Variants in PLD1 observed in about 807,000 individuals in gnomAD.
The protein encoded by PLD1 is phospholipase D1, also known as choline phosphatase 1.
In PLD1, 112 loss-of-function variants were observed where a neutral mutation model predicts 137.1. That is an observed-to-expected ratio of 0.82 (90% CI 0.70 to 0.96). The LOEUF (loss-of-function observed/expected upper bound fraction) is 0.96. Among genes scored for constraint, PLD1 ranks in the 40% least tolerant of loss-of-function variants. The pLI is 0.00. For synonymous variants in PLD1, 431 were observed against 454.7 expected (o/e 0.95, Z 0.66); for missense variants, 1,321 against 1,342.0 (o/e 0.98, Z 0.24).
chr3:171,731,311 G>A (rs6782049), intron 6 of PLD1, among the ~76,000 whole-genome samples: 54,907 of 152,072 alleles, frequency 0.36, 11,029 homozygotes, highest in African/African-American at 0.52. Context: ...AAGAAAACAT[G>A]TAAATTCCAA....
At chr3:171,699,853 G>A (rs780035343) in intron 11 of PLD1, 27 bp from the exon 12 acceptor site, 6 of 1,559,536 alleles carry the variant, frequency 3.8e-6, no homozygotes, top group Non-Finnish European at 4.4e-6. Context: ...AAGATTTTAA[G>A]TAACTAAAAC....
At chr3:171,715,409 G>GT (rs1717599424) in intron 8 of PLD1, among the ~76,000 whole-genome samples, 1 of 152,012 alleles carries the variant, frequency 6.6e-6, no homozygotes, top group South Asian at 2.1e-4. Context: ...GCTTTGGTTT[G>GT]TTTTTTGTTT....
At chr3:171,679,984 G>T (rs1334102538) in intron 16 of PLD1, among the ~76,000 whole-genome samples, 2 of 152,074 alleles carry the variant, frequency 1.3e-5, no homozygotes, top group Non-Finnish European at 2.9e-5. Context: ...GCACAGATTT[G>T]TCAGGCCAAT....
intron 24 of PLD1, among the ~76,000 whole-genome samples, chr3:171,616,290 T>C (rs944230155): frequency 2.0e-5 from 3 of 152,228 alleles, no homozygotes; most frequent in Non-Finnish European, 4.4e-5. Context: ...AAGAAATTTC[T>C]GAATTTTAAT....
chr3:171,639,186 T>C (rs1735420738), intron 23 of PLD1, among the ~76,000 whole-genome samples: 1 of 145,558 alleles, frequency 6.9e-6, no homozygotes, highest in Non-Finnish European at 1.5e-5. Context: ...ATATATAATA[T>C]ACAATTTTAT....
chr3:171,748,970 A>T (rs1375106745), intron 1 of PLD1, among the ~76,000 whole-genome samples: 6 of 151,684 alleles, frequency 4.0e-5, no homozygotes, highest in African/African-American at 1.5e-4. Flanking sequence ...TAGCAGCAAC[A>T]GTTGGATTTG....
chr3:171,765,563 A>G (rs1353513176), intron 1 of PLD1: 1 of 152,242 alleles, frequency 6.6e-6, no homozygotes, highest in Non-Finnish European at 1.5e-5. Flanking sequence ...AGAATATTAT[A>G]AAGAGCAGCA....
At chr3:171,625,138 T>A (rs1733982891) in intron 23 of PLD1, among the ~76,000 whole-genome samples, 1 of 151,966 alleles carries the variant, frequency 6.6e-6, no homozygotes, top group Non-Finnish European at 1.5e-5. Context: ...GAAAATCGGG[T>A]CACTCCCACC....
chr3:171,674,398 A>G lies in PLD1; in HGVS notation c.2229+102T>C, dbSNP rs960590331. On this transcript the variant is annotated intron_variant, in intron 19 of 26. Coordinates refer to ENST00000351298, the MANE Select transcript of PLD1 (RefSeq NM_002662.5). ...CCATTTAGTTTTGCTTTAGAAAAGC[A>G]GTCATTGAAAAATCTGAAGCCAATG... The G allele has an allele frequency of 1.3e-5, 7 of 529,518 alleles. No individual in the cohort carries two copies. In the African/African-American group the frequency reaches 1.4e-4, roughly 10 times the overall value. The allele number at this position is 529,518 out of a possible 1,614,324, so 32.8% of individuals were successfully genotyped here. A position where few individuals can be genotyped will look rare whatever the true frequency, so the allele number is the denominator to read the frequency against.
intron 1 of PLD1, among the ~76,000 whole-genome samples, chr3:171,787,713 C>G (rs1331283147): frequency 2.0e-5 from 3 of 151,976 alleles, no homozygotes; most frequent in Non-Finnish European, 2.9e-5. Context: ...AAGGTTGATA[C>G]AAGTTAAAGA....
At position 171,737,467 on chromosome 3, in the gene PLD1, A is replaced by G. The variant is rs1578385071; in HGVS notation, c.288+65T>C. ...TCATAGCTAAGAGGGAGGAAAATGA[A>G]AGGCTATGTACTAATTCACATATAT... On this transcript the variant is annotated intron_variant, in intron 3 of 26. Coordinates refer to ENST00000351298, the MANE Select transcript of PLD1 (RefSeq NM_002662.5). The G allele has an allele frequency of 2.1e-5, 28 of 1,359,426 alleles. No homozygotes were observed. In the East Asian group the frequency reaches 6.6e-4, roughly 32 times the overall value. The allele number at this position is 1,359,426 out of a possible 1,614,324, so 84.2% of individuals were successfully genotyped here. A position where few individuals can be genotyped will look rare whatever the true frequency, so the allele number is the denominator to read the frequency against.
chr3:171,724,893 G>A (rs1718389584), intron 7 of PLD1, 105 bp from the exon 8 acceptor site: 3 of 753,858 alleles, frequency 4.0e-6, no homozygotes, highest in South Asian at 1.4e-5. Context: ...ATTCTCACAT[G>A]ACTTTCCTCC....
At chr3:171,688,475 C>T (rs1468635515) in intron 14 of PLD1, among the ~76,000 whole-genome samples, 3 of 152,186 alleles carry the variant, frequency 2.0e-5, no homozygotes, top group Admixed American at 6.5e-5. Context: ...AGAACAGACT[C>T]AGCAATGCTA....
chr3:171,750,430 G>A (rs1720572480), intron 1 of PLD1, among the ~76,000 whole-genome samples: 1 of 151,664 alleles, frequency 6.6e-6, no homozygotes, highest in Admixed American at 6.6e-5. Flanking sequence ...CATATAATTT[G>A]AATCCCAGAA....
rs927262670 is a variant in PLD1, at chr3:171,612,557, G to A, written c.2729-125C>T. ...TTTGTCCAGGTTTTCAAGGGAAGATGTGTTTTTAGGGAGGTGGGGCCCTCC... is the reference window on the plus strand; with the variant it reads ...TTTGTCCAGGTTTTCAAGGGAAGATATGTTTTTAGGGAGGTGGGGCCCTCC... On this transcript the variant is annotated intron_variant, in intron 24 of 26. Coordinates refer to ENST00000351298, the MANE Select transcript of PLD1 (RefSeq NM_002662.5). The surrounding 1 kb of genome is among the most constrained non-coding windows in gnomAD (Gnocchi z 4.1). 8.0e-6 allele frequency: 7 copies of A among 872,262 alleles called. No individual in the cohort carries two copies. The African/African-American group carries it at 9.9e-5, about 12-fold the overall frequency. 54.0% of individuals were successfully genotyped at this position (872,262 alleles called of 1,614,324 possible). A position where few individuals can be genotyped will look rare whatever the true frequency, so the allele number is the denominator to read the frequency against.
intron 10 of PLD1, 48 bp downstream of exon 10, chr3:171,709,512 A>G (rs375697899): frequency 7.7e-6 from 12 of 1,558,350 alleles, no homozygotes; most frequent in Admixed American, 1.7e-5. Flanking sequence ...CCAGTGTAAT[A>G]TTAGATGCTA....
rs896523297 is a variant in PLD1 at position 171,663,529 on chromosome 3, T to C, written c.2230-1359A>G. Among the ~76,000 whole-genome samples, 4 of 152,370 alleles carry C rather than the reference T, an allele frequency of 2.6e-5. No individual in the cohort carries two copies. In the East Asian group the frequency reaches 7.7e-4, roughly 29 times the overall value. ...TAAGTGGTTATAAGTGTTATATTAATGAGCATTAGAAGATGTGTTTGAGCT... is the reference window on the plus strand; with the variant it reads ...TAAGTGGTTATAAGTGTTATATTAACGAGCATTAGAAGATGTGTTTGAGCT... On this transcript the variant is annotated intron_variant, in intron 19 of 26. Transcript: ENST00000351298.
intron 23 of PLD1, among the ~76,000 whole-genome samples, chr3:171,620,777 ATTTT>A (rs200988699): frequency 4.3e-4 from 54 of 127,008 alleles, no homozygotes; most frequent in African/African-American, 6.3e-4. Context: ...TATTATATAT[ATTTT>A]TTTTTTAATT....
chr3:171,723,019 T>C (rs1370143849), intron 8 of PLD1, among the ~76,000 whole-genome samples: 1 of 152,202 alleles, frequency 6.6e-6, no homozygotes, highest in African/African-American at 2.4e-5. Flanking sequence ...CATACTCTTT[T>C]ATAGTTATTG....
Sources: gnomAD v4.1 joint callset for allele counts (sites outside exome capture counted in the v4.1 genomes callset) on GRCh38, gnomAD v4.1.1 for gene constraint, Gnocchi (gnomAD v3.1) non-coding constraint, MANE v1.5 for transcripts, NCBI Gene and HGNC (gene_info 2026-07-23, HGNC 2026-07-21) for gene names.